Variants in CLEC4F observed in about 807,000 individuals in gnomAD.
The protein encoded by CLEC4F is C-type lectin domain family 4 member F, also known as C-type (calcium dependent, carbohydrate-recognition domain) lectin, superfamily member 13.
Under a neutral mutation model 53.4 loss-of-function variants are expected in CLEC4F, and 45 were observed. The ratio of observed to expected loss-of-function variants is 0.84; its 90% CI spans 0.66 to 1.08. The LOEUF is 1.08. Ranked by LOEUF, CLEC4F falls within the 50% of genes least tolerant of loss-of-function variation. The pLI is 0.00. For missense variants in CLEC4F, 753 were observed against 698.2 expected (o/e 1.08, Z -0.88); for synonymous variants, 245 against 257.5 (o/e 0.95, Z 0.46).
At chr2:70,824,097 C>A (rs1553398521), upstream of CLEC4F, among the ~76,000 whole-genome samples, 1 of 151,442 alleles carries the variant, frequency 6.6e-6, no homozygotes, top group Non-Finnish European at 1.5e-5. Flanking sequence ...CAGAGGGAGC[C>A]AGAGCCAGGA....
At position 70,809,339 on chromosome 2, in the gene CLEC4F, C is replaced by G. The variant is rs74983834; in HGVS notation, c.1702G>C (p.Val568Leu). 2 of 1,613,582 alleles carry G rather than the reference C, an allele frequency of 1.2e-6. No individual in the cohort carries two copies. The highest frequency in any genetic ancestry group is 2.2e-5 in the South Asian group (2 of 90,996). ...CTGCAAGCTCCCATCCCAGAATTCACAATAATATACTTTCTGAGTGGGCAG... is the reference window on the plus strand; with the variant it reads ...CTGCAAGCTCCCATCCCAGAATTCAGAATAATATACTTTCTGAGTGGGCAG... The part of the protein sequence containing the change: ...GSCPLRKYII[V>L]NSGMGACSFI... The change falls in exon 7 of 7, where the codon GTG (valine) becomes CTG (leucine). Residue 568 changes from valine to leucine, a missense_variant. Transcript: ENST00000272367.
At position 70,813,559 on chromosome 2, in the gene CLEC4F, CTTTCTT is replaced by C. The variant is rs1558612396; in HGVS notation, c.1388-967_1388-962del. ...TCTTTTTTTCTTTCTTTCTTTTTTT[CTTTCTT>C]TCTCTTTCTTTTTCTTTCTCTCTCT... On this transcript the variant is annotated intron_variant, in intron 4 of 6. Transcript: ENST00000272367. Among the ~76,000 whole-genome samples, 361 of 139,172 alleles carry C rather than the reference CTTTCTT, an allele frequency of 2.6e-3. 4 individuals are homozygous for C. The highest frequency in any genetic ancestry group is 9.4e-3 in the African/African-American group (346 of 36,944). 91.3% of individuals were successfully genotyped at this position (139,172 alleles called of 152,430 possible). A position where few individuals can be genotyped will look rare whatever the true frequency, so the allele number is the denominator to read the frequency against.
Position 70,808,929 on chromosome 2 carries a change from T to G in CLEC4F, c.*342A>C, listed in dbSNP as rs536944918. 1 of 747,394 alleles carries G rather than the reference T, an allele frequency of 1.3e-6. No homozygotes were observed. Among genetic ancestry groups the G allele is most frequent in the South Asian group, 1.7e-5 (1 of 57,454 alleles). 46.3% of individuals were successfully genotyped at this position (747,394 alleles called of 1,614,324 possible). ...GCAGCCCCTCAGCTCTGGCCTGCCC[T>G]CAGGCCACACCCTGGCCCATGGGCT... On this transcript the variant is annotated 3_prime_UTR_variant, in exon 7 of 7. Coordinates refer to ENST00000272367, the MANE Select transcript of CLEC4F (RefSeq NM_173535.3).
At position 70,816,343 on chromosome 2, in the gene CLEC4F, T is replaced by C. The variant is rs1676907431; in HGVS notation, c.1038A>G (p.Gln346=). 1 of 1,614,082 alleles carries C rather than the reference T, an allele frequency of 6.2e-7. No individual in the cohort carries two copies. The highest frequency in any genetic ancestry group is 2.2e-5 in the East Asian group (1 of 44,902). ...RDLKMVTAQT[Q]KANGRLDQTD... is the part of the protein sequence containing the mutation. ...TCTGGTCCAGACGGCCATTTGCTTT[T>C]TGGGTCTGGGCTGTGACCATTTTCA... is the stretch of plus-strand genomic sequence containing the variant. The change falls in exon 4 of 7, where the codon CAA becomes CAG. Residue 346 remains glutamine (Q), a synonymous_variant. Transcript: ENST00000272367.
Position 70,816,505 on chromosome 2 carries a change from C to T in CLEC4F, c.876G>A (p.Leu292=), listed in dbSNP as rs892380040. The stretch of plus-strand genomic sequence containing the variant: ...GGGAGTTTAAAGCATTTGTGTTCTG[C>T]AAATTTTCCTTTAGTCCCTGGATCT... ...NAEIQGLKEN[L]QNTNALNSQT... is the part of the protein sequence containing the mutation. The change falls in exon 4 of 7, where the codon TTG becomes TTA. Residue 292 remains leucine (L), a synonymous_variant. Coordinates refer to ENST00000272367, the MANE Select transcript of CLEC4F (RefSeq NM_173535.3). 6.8e-6 allele frequency: 11 copies of T among 1,614,036 alleles called. No homozygotes were observed. In the Admixed American group the frequency reaches 1.8e-4, roughly 27 times the overall value.
intron 5 of CLEC4F, among the ~76,000 whole-genome samples, chr2:70,812,063 C>T (rs896966885): frequency 6.6e-6 from 1 of 152,114 alleles, no homozygotes; most frequent in African/African-American, 2.4e-5. Context: ...TACTGCACTC[C>T]AGCCTGGATG....
At chr2:70,810,248 C>G (rs553350383) in intron 5 of CLEC4F, among the ~76,000 whole-genome samples, 2 of 151,716 alleles carry the variant, frequency 1.3e-5, no homozygotes, top group Non-Finnish European at 2.9e-5. Flanking sequence ...GCATTATAAA[C>G]AGATAATACT....
upstream of CLEC4F, among the ~76,000 whole-genome samples, chr2:70,823,600 A>G (rs959308772): frequency 6.6e-6 from 1 of 151,712 alleles, no homozygotes; most frequent in Non-Finnish European, 1.5e-5. Context: ...TGGCCTCCCC[A>G]CCCACCCTCC....
At chr2:70,811,657 C>T (rs868977181) in intron 5 of CLEC4F, among the ~76,000 whole-genome samples, 14 of 152,194 alleles carry the variant, frequency 9.2e-5, no homozygotes, top group African/African-American at 2.9e-4. Flanking sequence ...ATAAGGACCA[C>T]GACAGTGAGC....
upstream of CLEC4F, among the ~76,000 whole-genome samples, chr2:70,824,588 T>C (rs1677301137): frequency 9.6e-6 from 1 of 103,790 alleles, no homozygotes; most frequent in South Asian, 3.2e-4. Context: ...TGGAGCATCT[T>C]GTAGTACCAG....
intron 4 of CLEC4F, among the ~76,000 whole-genome samples, chr2:70,813,492 CTTTT>C (rs202064809): frequency 6.7e-6 from 1 of 148,356 alleles, no homozygotes; most frequent in Admixed American, 6.8e-5. Context: ...CTCTTTCTTT[CTTTT>C]TCTTTCTTTC....
At chr2:70,810,968 C>T (rs1469610130) in intron 5 of CLEC4F, 1 of 565,138 alleles carries the variant, frequency 1.8e-6, no homozygotes, top group Non-Finnish European at 3.5e-6. Flanking sequence ...TGAAAATAAA[C>T]ATGTGAAAAT....
Position 70,816,689 on chromosome 2 carries a change from G to T in CLEC4F, c.692C>A (p.Ala231Asp), listed in dbSNP as rs782304657. Residue 231 changes from alanine to aspartate, a missense_variant, in exon 4 of 7, where the codon GCC (alanine) becomes GAC (aspartate). Coordinates refer to ENST00000272367, the MANE Select transcript of CLEC4F (RefSeq NM_173535.3). ...CTGGGTATTTGCCGTTTCCAAACTG[G>T]CATTCAACATCTGAATTTCAGAGTT... ...NANSEIQMLN[A>D]SLETANTQAQ... is the part of the protein sequence containing the mutation. 8 of 1,614,124 alleles carry T rather than the reference G, an allele frequency of 5.0e-6. No individual in the cohort carries two copies. The highest frequency in any genetic ancestry group is 6.8e-6 in the Non-Finnish European group (8 of 1,180,014).
chr2:70,811,447 G>T, intron 5 of CLEC4F: 1 of 579,900 alleles, frequency 1.7e-6, no homozygotes. Flanking sequence ...TTCTGCCTCA[G>T]CACTGCCATC....
At chr2:70,813,044 G>C (rs1403683960) in intron 4 of CLEC4F, among the ~76,000 whole-genome samples, 13 of 152,134 alleles carry the variant, frequency 8.5e-5, no homozygotes, top group African/African-American at 2.9e-4. Flanking sequence ...CACCTGGTCT[G>C]CCTGGCCTTC....
intron 4 of CLEC4F, among the ~76,000 whole-genome samples, chr2:70,814,674 C>T (rs1028564061): frequency 2.0e-5 from 3 of 152,144 alleles, no homozygotes; most frequent in Non-Finnish European, 4.4e-5. Context: ...TTTATAATTA[C>T]GAACAGAGTT....
chr2:70,809,727 G>C lies in CLEC4F; in HGVS notation c.1658+12C>G, dbSNP rs782205530. 1 of 1,602,824 alleles carries C rather than the reference G, an allele frequency of 6.2e-7. No homozygotes were observed. The highest frequency in any genetic ancestry group is 1.7e-5 in the Admixed American group (1 of 60,004). The stretch of plus-strand genomic sequence containing the variant: ...AGTGCCTGGGACAGCGCCAGATGGT[G>C]GCTAGACTCACGCTTTGTTCTGGGC... On this transcript the variant is annotated intron_variant, in intron 6 of 6. Transcript: ENST00000272367.
upstream of CLEC4F, among the ~76,000 whole-genome samples, chr2:70,824,639 A>AAAAAAAAAC (rs1677305533): frequency 6.7e-6 from 1 of 149,428 alleles, no homozygotes; most frequent in African/African-American, 2.5e-5. Flanking sequence ...AAAAAAAAAA[A>AAAAAAAAAC]AAAAAAACTG....
chr2:70,811,018 A>G, intron 5 of CLEC4F: 1 of 615,360 alleles, frequency 1.6e-6, no homozygotes, highest in South Asian at 1.4e-5. Context: ...TGGTGTCACT[A>G]CAGATGATTC....
Sources: allele counts gnomAD v4.1 joint callset (sites outside exome capture counted in the v4.1 genomes callset), GRCh38; gene constraint gnomAD v4.1.1; transcripts MANE v1.5; gene names NCBI Gene and HGNC (gene_info 2026-07-23, HGNC 2026-07-21).